Variants in SAMD12 observed in about 807,000 individuals in gnomAD.
SAMD12 encodes the protein sterile alpha motif domain containing 12.
Under a neutral mutation model 15.0 loss-of-function variants are expected in SAMD12, and 9 were observed. That is an observed-to-expected ratio of 0.60 (90% CI 0.36 to 1.05). The LOEUF (loss-of-function observed/expected upper bound fraction) is 1.05, where lower values mean the gene tolerates loss of function less well. Among genes scored for constraint, SAMD12 ranks in the 50% least tolerant of loss-of-function variants. SAMD12 has a pLI of 0.01. For synonymous variants in SAMD12, 86 were observed against 90.1 expected (o/e 0.96, Z 0.25); for missense variants, 230 against 234.2 (o/e 0.98, Z 0.12).
chr8:118,603,865 TAAAC>T (rs1184294013), intron 1 of SAMD12, among the ~76,000 whole-genome samples: 3 of 152,136 alleles, frequency 2.0e-5, no homozygotes, highest in Non-Finnish European at 1.5e-5. Context: ...GGAAGGAAAT[TAAAC>T]AAGGGAACTT....
At chr8:118,137,199 C>T in the SAMD12 span, among the ~76,000 whole-genome samples, 8 of 152,052 alleles carry the variant, frequency 5.3e-5, no homozygotes, top group Non-Finnish European at 8.8e-5. Flanking sequence ...AAGTAGTGGC[C>T]GGCAATCAGT....
At chr8:118,348,455 C>T (rs1817778081) in intron 4 of SAMD12, among the ~76,000 whole-genome samples, 1 of 151,794 alleles carries the variant, frequency 6.6e-6, no homozygotes, top group South Asian at 2.1e-4. Context: ...ACCGCAAGCT[C>T]CGCCCCCCGG....
intron 2 of SAMD12, among the ~76,000 whole-genome samples, chr8:118,512,604 C>T (rs1365188235): frequency 6.6e-6 from 1 of 152,126 alleles, no homozygotes; most frequent in African/African-American, 2.4e-5. Flanking sequence ...TCCTTAAATC[C>T]TTAGCATGGC....
chr8:118,523,375 C>G (rs779784199), intron 2 of SAMD12, among the ~76,000 whole-genome samples: 31 of 152,142 alleles, frequency 2.0e-4, no homozygotes, highest in Non-Finnish European at 3.4e-4. Flanking sequence ...GAAATGGAAG[C>G]AATCATGAAT....
chr8:118,342,182 C>T (rs1045183425), intron 4 of SAMD12, among the ~76,000 whole-genome samples: 15 of 151,930 alleles, frequency 9.9e-5, no homozygotes, highest in African/African-American at 3.6e-4. Context: ...ATCCCAGCTA[C>T]TCAGGAGGCT....
chr8:118,358,941 C>T (rs1818358756), intron 4 of SAMD12, among the ~76,000 whole-genome samples: 1 of 151,878 alleles, frequency 6.6e-6, no homozygotes, highest in Non-Finnish European at 1.5e-5. Flanking sequence ...TAAAACAAGT[C>T]TTTAAAGAAA....
intron 2 of SAMD12, among the ~76,000 whole-genome samples, chr8:118,475,565 G>C (rs1040920775): frequency 6.6e-6 from 1 of 152,278 alleles, no homozygotes; most frequent in East Asian, 1.9e-4. Flanking sequence ...AAGATTGACT[G>C]GATCATAAGG....
chr8:118,385,428 C>T (rs182910700), intron 3 of SAMD12, among the ~76,000 whole-genome samples: 2 of 152,278 alleles, frequency 1.3e-5, no homozygotes, highest in East Asian at 3.9e-4. Context: ...AGGATGTTAG[C>T]TCTTCCTGGT....
chr8:118,320,820 A>AAAT (rs1554631088), intron 4 of SAMD12, among the ~76,000 whole-genome samples: 2 of 123,048 alleles, frequency 1.6e-5, no homozygotes, highest in Admixed American at 7.7e-5. Flanking sequence ...GTATAATAAA[A>AAAT]ATATATATAT....
chr8:118,606,678 T>C (rs778504544), intron 1 of SAMD12, among the ~76,000 whole-genome samples: 79 of 151,726 alleles, frequency 5.2e-4, no homozygotes, highest in Non-Finnish European at 1.2e-4. Context: ...TAGCAAGCAA[T>C]AGACTGAGCA....
rs569693805 is a variant in SAMD12, at chr8:118,207,287, T to C, written c.434-9555A>G. On this transcript the variant is annotated intron_variant, in intron 4 of 4. Transcript: ENST00000409003. Reference sequence around the variant, plus strand: ...CTTGTACCACATGAATACAGGATGATGCATTTCTGGGAGAAGCATCATCAG... The same window carrying C: ...CTTGTACCACATGAATACAGGATGACGCATTTCTGGGAGAAGCATCATCAG... Among the ~76,000 whole-genome samples the C allele has an allele frequency of 3.3e-5, 5 of 152,358 alleles. No homozygotes were observed. The East Asian group carries it at 5.8e-4, about 18-fold the overall frequency.
chr8:118,457,486 A>G (rs1052789035), intron 2 of SAMD12, among the ~76,000 whole-genome samples: 6 of 152,032 alleles, frequency 3.9e-5, no homozygotes, highest in Non-Finnish European at 5.9e-5. Context: ...CCTGCTACTA[A>G]CATTCTTTTA....
intron 3 of SAMD12, among the ~76,000 whole-genome samples, chr8:118,427,159 A>G (rs1018942427): frequency 3.9e-5 from 6 of 152,212 alleles, no homozygotes; most frequent in South Asian, 2.1e-4. Context: ...CAATTTCTCT[A>G]TAAGTATCTA....
chr8:118,475,195 C>T (rs542528663), intron 2 of SAMD12, among the ~76,000 whole-genome samples: 9 of 152,248 alleles, frequency 5.9e-5, no homozygotes, highest in Admixed American at 1.3e-4. Context: ...GCTGAGATCA[C>T]GCCCCTGCAC....
At chr8:118,473,391 T>C (rs1301976978) in intron 2 of SAMD12, among the ~76,000 whole-genome samples, 1 of 152,202 alleles carries the variant, frequency 6.6e-6, no homozygotes, top group Non-Finnish European at 1.5e-5. Context: ...GAAAATGTTC[T>C]GTGCACTCCT....
At chr8:118,613,108 T>C (rs1828146754) in intron 1 of SAMD12, among the ~76,000 whole-genome samples, 1 of 152,214 alleles carries the variant, frequency 6.6e-6, no homozygotes. Flanking sequence ...TTCAAATTGC[T>C]CTGTATCTTG....
At chr8:118,341,959 ACT>A (rs1817387532) in intron 4 of SAMD12, among the ~76,000 whole-genome samples, 1 of 152,196 alleles carries the variant, frequency 6.6e-6, no homozygotes, top group African/African-American at 2.4e-5. Context: ...ACCATTGTGT[ACT>A]CTCTGCTTAA....
intron 4 of SAMD12, among the ~76,000 whole-genome samples, chr8:118,316,753 T>G (rs1055615862): frequency 1.3e-5 from 2 of 151,848 alleles, no homozygotes; most frequent in East Asian, 1.9e-4. Context: ...AAAATTCTTA[T>G]GTTGAAATCC....
chr8:118,556,970 A>AAAAGAAAG (rs540288024), intron 2 of SAMD12, among the ~76,000 whole-genome samples: 1 of 151,924 alleles, frequency 6.6e-6, no homozygotes, highest in African/African-American at 2.4e-5. Context: ...TCTCAAAAAA[A>AAAAGAAAG]AAAGAAAGAA....
Sources: gnomAD v4.1 joint callset for allele counts (sites outside exome capture counted in the v4.1 genomes callset) on GRCh38, gnomAD v4.1.1 for gene constraint, MANE v1.5 for transcripts, NCBI Gene and HGNC (gene_info 2026-07-23, HGNC 2026-07-21) for gene names.